EHMT1: variants seen among roughly 807,000 people sequenced by gnomAD.
The protein encoded by EHMT1 is euchromatic histone lysine methyltransferase 1, also known as histone-lysine N-methyltransferase EHMT1.
A neutral mutation model predicts 147.2 loss-of-function variants in EHMT1; 15 were observed. The observed-to-expected ratio is 0.10, with a 90% CI of 0.07 to 0.16. The LOEUF is 0.16. Among genes scored for constraint, EHMT1 ranks in the 10% least tolerant of loss-of-function variants. EHMT1 has a pLI of 1.00. For synonymous variants in EHMT1, 795 were observed against 709.6 expected (o/e 1.12, Z -1.91); for missense variants, 1,587 against 1,772.4 (o/e 0.90, Z 1.88).
chr9:137,742,289 T>TTTTGTG (rs1554858062), intron 4 of EHMT1, among the ~76,000 whole-genome samples: 1 of 135,070 alleles, frequency 7.4e-6, no homozygotes, highest in African/African-American at 2.9e-5. Flanking sequence ...AGAACCAAAT[T>TTTTGTG]TGTGTGTGTG....
rs1173297489 is a variant in EHMT1, at chr9:137,813,850, C to T, written c.3180+320C>T. ...TGTGGCTTCGTGCTGGGGGCACAGG[C>T]GAGAGGAGCCCTTGCGAGGCCTGCA... is the stretch of plus-strand genomic sequence containing the variant. On this transcript the variant is annotated intron_variant, in intron 21 of 26. Transcript: ENST00000460843. This position sits in a 1 kb window ranked among gnomAD's most constrained non-coding sequence, Gnocchi z 4.9. 6.6e-6 allele frequency among the ~76,000 whole-genome samples: 1 copy of T among 152,166 alleles called. No individual in the cohort carries two copies. Among genetic ancestry groups the T allele is most frequent in the African/African-American group, 2.4e-5 (1 of 41,446 alleles).
intron 14 of EHMT1, among the ~76,000 whole-genome samples, chr9:137,780,218 C>G (rs1015663107): frequency 7.4e-6 from 1 of 135,362 alleles, no homozygotes; most frequent in Middle Eastern, 5.3e-3. Flanking sequence ...GTGGTGATGA[C>G]GCTGAGATGT....
chr9:137,626,596 T>C (rs959832758), intron 1 of EHMT1, among the ~76,000 whole-genome samples: 1 of 152,014 alleles, frequency 6.6e-6, no homozygotes, highest in Non-Finnish European at 1.5e-5. Flanking sequence ...TCCTCTTTGC[T>C]GTCTTATCTC....
intron 2 of EHMT1, among the ~76,000 whole-genome samples, 195 bp from the exon 3 acceptor site, chr9:137,716,431 T>TGG (rs140266613): frequency 1.6e-4 from 2 of 12,732 alleles, no homozygotes; most frequent in Non-Finnish European, 1.3e-4. Context: ...GGTGTCATGG[T>TGG]GGGGGAGGAA....
rs1950928207 is a variant in EHMT1 at position 137,775,991 on chromosome 9, C to T, written c.1792-627C>T. Among the ~76,000 whole-genome samples, 1 of 152,128 alleles carries T rather than the reference C, an allele frequency of 6.6e-6. No individual in the cohort carries two copies. Among genetic ancestry groups the T allele is most frequent in the Non-Finnish European group, 1.5e-5 (1 of 68,024 alleles). On this transcript the variant is annotated intron_variant, in intron 11 of 26. Transcript: ENST00000460843. The surrounding 1 kb of genome is among the most constrained non-coding windows in gnomAD (Gnocchi z 6.1). ...TGAGTGTTTGAGTGTGAGCTTCAGG[C>T]ACCCAGAGATGCCCTGCTGCCCCTT...
intron 25 of EHMT1, among the ~76,000 whole-genome samples, chr9:137,826,122 T>A (rs1955795856): frequency 8.1e-6 from 1 of 123,138 alleles, no homozygotes. Flanking sequence ...AGTGCTGTGT[T>A]GTGTGGTCAG....
In EHMT1 at chr9:137,762,686, G is replaced by A. The variant is rs757679895; in HGVS notation, c.1513G>A (p.Gly505Ser). 2.9e-5 allele frequency: 47 copies of A among 1,614,080 alleles called. No homozygotes were observed. The highest frequency in any genetic ancestry group is 2.4e-4 in the South Asian group (22 of 91,084). The change falls in exon 10 of 27, where the codon GGT becomes AGT. Residue 505 changes from glycine (G) to serine (S), a missense_variant. Physicochemically the swap from Gly to Ser is moderately conservative, Grantham distance 56. Transcript: ENST00000460843. ...CTGTGTGACGTTAGGGTTGGCCAAC[G>A]GTCCAGATGTGCTGGAGACAGACGG... ...LSSQAEGLAN[G>S]PDVLETDGLQ...
chr9:137,623,576 G>C (rs1404358453), intron 1 of EHMT1, among the ~76,000 whole-genome samples: 2 of 151,966 alleles, frequency 1.3e-5, no homozygotes, highest in African/African-American at 4.8e-5. Flanking sequence ...TACCACGCCT[G>C]TGCCTGGCTA....
chr9:137,662,027 C>T (rs1939138606), intron 1 of EHMT1, among the ~76,000 whole-genome samples: 1 of 152,172 alleles, frequency 6.6e-6, no homozygotes, highest in East Asian at 1.9e-4. Flanking sequence ...GTCTCGAACT[C>T]CTGACTTCAG....
At chr9:137,631,457 C>T (rs980279090) in intron 1 of EHMT1, among the ~76,000 whole-genome samples, 2 of 152,138 alleles carry the variant, frequency 1.3e-5, no homozygotes, top group African/African-American at 4.8e-5. Context: ...ACTAGTTCTT[C>T]TCTTGGCAGG....
intron 1 of EHMT1, among the ~76,000 whole-genome samples, chr9:137,654,914 G>A (rs1415048716): frequency 1.3e-5 from 2 of 152,194 alleles, no homozygotes; most frequent in Non-Finnish European, 2.9e-5. Flanking sequence ...ACAGGCCAGC[G>A]TGGACAGCAG....
intron 23 of EHMT1, chr9:137,817,004 G>A (rs1033094709): frequency 3.2e-5 from 7 of 220,958 alleles, no homozygotes; most frequent in East Asian, 1.2e-4. Context: ...ACCCTCGACC[G>A]CCACCTCCCC....
At chr9:137,707,328 C>T (rs1400815009) in intron 1 of EHMT1, among the ~76,000 whole-genome samples, 1 of 152,186 alleles carries the variant, frequency 6.6e-6, no homozygotes, top group African/African-American at 2.4e-5. Flanking sequence ...CCTTCCCGAG[C>T]CTCCTGGAAG....
At chr9:137,831,581 C>T (rs1956190870) in intron 25 of EHMT1, among the ~76,000 whole-genome samples, 1 of 152,230 alleles carries the variant, frequency 6.6e-6, no homozygotes, top group African/African-American at 2.4e-5. Context: ...TGTTTCTCCG[C>T]TGAGACTTCT....
intron 10 of EHMT1, chr9:137,764,037 C>G (rs1349613394): frequency 2.0e-5 from 3 of 152,612 alleles, no homozygotes; most frequent in Admixed American, 6.5e-5. Context: ...TTTTGCTTTT[C>G]TAAAGTGTTC....
At chr9:137,707,343 G>A (rs1005344487) in intron 1 of EHMT1, among the ~76,000 whole-genome samples, 1 of 152,228 alleles carries the variant, frequency 6.6e-6, no homozygotes, top group Non-Finnish European at 1.5e-5. Context: ...TGGAAGTCAG[G>A]AGAGGCCACG....
intron 1 of EHMT1, among the ~76,000 whole-genome samples, chr9:137,635,773 T>TCGC (rs1335690795): frequency 6.6e-6 from 1 of 151,234 alleles, no homozygotes; most frequent in Non-Finnish European, 1.5e-5. Context: ...TGAGCTGAGA[T>TCGC]GGTGCCACTG....
At chr9:137,741,976 A>G (rs757097011) in intron 4 of EHMT1, among the ~76,000 whole-genome samples, 1 of 152,222 alleles carries the variant, frequency 6.6e-6, no homozygotes, top group South Asian at 2.1e-4. Flanking sequence ...TAGGATTCCC[A>G]GGGCTACCAA....
intron 19 of EHMT1, among the ~76,000 whole-genome samples, chr9:137,812,793 C>T (rs1328725366): frequency 2.6e-5 from 4 of 152,248 alleles, no homozygotes; most frequent in Non-Finnish European, 1.5e-5. Context: ...CTGACTTTGA[C>T]AGTGAATGTG....
Sources: gnomAD v4.1 joint callset for allele counts (sites outside exome capture counted in the v4.1 genomes callset) on GRCh38, gnomAD v4.1.1 for gene constraint, Gnocchi (gnomAD v3.1) non-coding constraint, MANE v1.5 for transcripts, NCBI Gene and HGNC (gene_info 2026-07-23, HGNC 2026-07-21) for gene names.